The following KCNN2 variants were observed in gnomAD, a reference collection of about 807,000 sequenced individuals.
The protein encoded by KCNN2 is small conductance calcium-activated potassium channel protein 2.
KCNN2 carries 24 observed loss-of-function variants against 55.5 expected under a neutral mutation model. The ratio of observed to expected loss-of-function variants is 0.43; its 90% CI spans 0.31 to 0.61. The LOEUF (loss-of-function observed/expected upper bound fraction) is 0.61, where lower values mean the gene tolerates loss of function less well. Ranked by LOEUF, KCNN2 falls within the 20% of genes least tolerant of loss-of-function variation. KCNN2 has a pLI of 0.08. For synonymous variants in KCNN2, 431 were observed against 336.1 expected, an observed-to-expected ratio of 1.28 and a Z score of -3.09; for missense variants, 754 against 853.6, an observed-to-expected ratio of 0.88 and a Z score of 1.45.
chr5:114,429,435 C>CT (rs1327816305), intron 3 of KCNN2, among the ~76,000 whole-genome samples: 1 of 152,002 alleles, frequency 6.6e-6, no homozygotes, highest in Non-Finnish European at 1.5e-5. Context: ...TGCTCATTTG[C>CT]CATCTGTATA....
chr5:114,476,578 C>A (rs1761977505), intron 5 of KCNN2, among the ~76,000 whole-genome samples: 1 of 151,922 alleles, frequency 6.6e-6, no homozygotes, highest in South Asian at 2.1e-4. Context: ...ACCACCATGC[C>A]CAGCTAATTT....
intron 1 of KCNN2, among the ~76,000 whole-genome samples, chr5:114,168,698 C>T (rs891428745): frequency 5.9e-5 from 9 of 152,084 alleles, no homozygotes; most frequent in African/African-American, 1.4e-4. Context: ...TGTTCTGCAG[C>T]GTGTAGCAAA....
At chr5:114,312,460 T>C (rs1238997893) in intron 2 of KCNN2, among the ~76,000 whole-genome samples, 33 of 102,400 alleles carry the variant, frequency 3.2e-4, no homozygotes, top group African/African-American at 1.3e-3. Flanking sequence ...TATATATATA[T>C]ATATATATAT....
chr5:114,386,409 A>G (rs1489616340), intron 2 of KCNN2, among the ~76,000 whole-genome samples: 1 of 152,138 alleles, frequency 6.6e-6, no homozygotes, highest in Non-Finnish European at 1.5e-5. Context: ...CAATTGTTCA[A>G]TTAAATTTGA....
chr5:114,425,014 C>G (rs1759578280), intron 3 of KCNN2, among the ~76,000 whole-genome samples: 1 of 152,044 alleles, frequency 6.6e-6, no homozygotes, highest in African/African-American at 2.4e-5. Flanking sequence ...CGTCAAGGCT[C>G]AAGTCACAGA....
In KCNN2 at chr5:114,496,093, G is replaced by A. The variant is rs753439620; in HGVS notation, c.2287G>A (p.Val763Ile). Reference sequence around the variant, plus strand: ...TCAGATGGAGAGCTACGACAAGCACGTCACTTACAATGCTGAGCGGTCCCG... The same window carrying A: ...TCAGATGGAGAGCTACGACAAGCACATCACTTACAATGCTGAGCGGTCCCG... ...EAQMESYDKH[V>I]TYNAERSRSS... Residue 763 changes from valine (V) to isoleucine (I), a missense_variant, in exon 8 of 8, where the codon GTC becomes ATC. Physicochemically the swap from Val to Ile is conservative, Grantham distance 29. Transcript: ENST00000673685. 28 of 1,613,898 alleles carry A rather than the reference G, an allele frequency of 1.7e-5. No homozygotes were observed. Among genetic ancestry groups the A allele is most frequent in the African/African-American group, 2.7e-5 (2 of 74,894 alleles).
chr5:114,161,522 G>A (rs1378937828), intron 1 of KCNN2, among the ~76,000 whole-genome samples: 1 of 151,890 alleles, frequency 6.6e-6, no homozygotes, highest in Non-Finnish European at 1.5e-5. Context: ...GGCGTTCTCT[G>A]TATTTCCTGA....
chr5:114,096,587 T>G (rs764071744), intron 1 of KCNN2, among the ~76,000 whole-genome samples: 39 of 152,224 alleles, frequency 2.6e-4, no homozygotes, highest in Non-Finnish European at 4.1e-4. Flanking sequence ...TTTGAAGTTC[T>G]TACTCACCTC....
chr5:114,261,361 G>T (rs569725008), intron 2 of KCNN2, among the ~76,000 whole-genome samples: 1 of 152,136 alleles, frequency 6.6e-6, no homozygotes, highest in African/African-American at 2.4e-5. Context: ...CACCCCAGGT[G>T]AAGACCTCAG....
At position 114,447,116 on chromosome 5, in the gene KCNN2, T is replaced by A. The variant is rs548732018; in HGVS notation, c.1638-15933T>A. Among the ~76,000 whole-genome samples the A allele has an allele frequency of 4.6e-5, 7 of 152,328 alleles. No homozygotes were observed. The South Asian group carries it at 1.5e-3, about 32-fold the overall frequency. On this transcript the variant is annotated intron_variant, in intron 3 of 7. Coordinates refer to ENST00000673685, the MANE Select transcript of KCNN2 (RefSeq NM_021614.4). ...GCAGCTCCTATTTCCTTTTCTAATA[T>A]GCTTCCAGGTCAGATATTTCCTATA...
intron 2 of KCNN2, among the ~76,000 whole-genome samples, chr5:114,271,828 G>A (rs945406323): frequency 4.6e-5 from 7 of 152,098 alleles, no homozygotes; most frequent in Admixed American, 4.6e-4. Context: ...TTTTCATTCT[G>A]TGTGAAATTG....
intron 2 of KCNN2, among the ~76,000 whole-genome samples, chr5:114,294,100 T>C (rs1176273590): frequency 6.6e-6 from 1 of 152,176 alleles, no homozygotes; most frequent in Non-Finnish European, 1.5e-5. Flanking sequence ...TTTATTAGTC[T>C]TGCTAGCGGT....
chr5:114,472,851 TTAAAATATG>T (rs1761813898), intron 4 of KCNN2, among the ~76,000 whole-genome samples, 194 bp from the exon 5 acceptor site: 1 of 152,366 alleles, frequency 6.6e-6, no homozygotes, highest in South Asian at 2.1e-4. Flanking sequence ...GCTTTTGTTC[TTAAAATATG>T]TAAACTAAAT....
intron 5 of KCNN2, among the ~76,000 whole-genome samples, chr5:114,482,046 T>TAAAG (rs1762251418): frequency 6.6e-6 from 1 of 152,072 alleles, no homozygotes; most frequent in African/African-American, 2.4e-5. Context: ...CTAATTAAAC[T>TAAAG]AAAGAGTTTC....
intron 2 of KCNN2, among the ~76,000 whole-genome samples, chr5:114,292,372 G>C (rs1755909649): frequency 6.6e-6 from 1 of 152,132 alleles, no homozygotes; most frequent in Non-Finnish European, 1.5e-5. Context: ...TTTTGTATAA[G>C]GTGTAAGGAA....
chr5:114,275,403 G>C (rs1241540160), intron 2 of KCNN2, among the ~76,000 whole-genome samples: 1 of 152,170 alleles, frequency 6.6e-6, no homozygotes, highest in Non-Finnish European at 1.5e-5. Flanking sequence ...AGTTTCAGAA[G>C]GAATGGTGTC....
chr5:114,237,186 A>G (rs796659527), intron 2 of KCNN2, among the ~76,000 whole-genome samples: 2 of 151,112 alleles, frequency 1.3e-5, no homozygotes, highest in African/African-American at 4.8e-5. Context: ...ACGACAAGCA[A>G]TTGTTGCAAC....
At chr5:114,069,509 A>AT (rs554894816) in intron 1 of KCNN2, among the ~76,000 whole-genome samples, 6 of 151,382 alleles carry the variant, frequency 4.0e-5, no homozygotes, top group Admixed American at 6.6e-5. Flanking sequence ...GGCTCAGGAT[A>AT]TTTTTTTTTC....
At chr5:114,324,182 C>A (rs1405171173) in intron 2 of KCNN2, among the ~76,000 whole-genome samples, 1 of 152,002 alleles carries the variant, frequency 6.6e-6, no homozygotes, top group Non-Finnish European at 1.5e-5. Flanking sequence ...TACGTTGTAC[C>A]AACACCTATG....
Sources: gnomAD v4.1 joint callset for allele counts (sites outside exome capture counted in the v4.1 genomes callset) on GRCh38, gnomAD v4.1.1 for gene constraint, MANE v1.5 for transcripts, NCBI Gene and HGNC (gene_info 2026-07-23, HGNC 2026-07-21) for gene names.